The following NTAN1 variants were observed in gnomAD, a reference collection of about 807,000 sequenced individuals.
NTAN1 encodes N-terminal asparagine amidase, also known as protein N-terminal asparagine amidohydrolase.
In NTAN1, 32 loss-of-function variants were observed where a neutral mutation model predicts 41.9. The ratio of observed to expected loss-of-function variants is 0.76; its 90% CI spans 0.58 to 1.03. NTAN1 has a LOEUF of 1.03. Among genes scored for constraint, NTAN1 ranks in the 50% least tolerant of loss-of-function variants. The pLI is 0.00. For missense variants in NTAN1, 377 were observed against 377.5 expected (o/e 1.00, Z 0.01); for synonymous variants, 140 against 139.5 (o/e 1.00, Z -0.03).
Position 15,048,095 on chromosome 16 carries a change from CT to C in NTAN1, c.85del (p.Arg29GlufsTer28). On this transcript the variant is annotated frameshift_variant, in exon 2 of 10. Transcript: ENST00000287706. LOFTEE classifies it high-confidence loss of function. Reference sequence around the variant, plus strand: ...AGACTGACCTCTGAGAAGTCTGGCTCTTTCCTGTTTAATTAAAAAAAAAATA... The same window carrying C: ...AGACTGACCTCTGAGAAGTCTGGCTCTTCCTGTTTAATTAAAAAAAAAATA... ...LVRAHPPLEERARLLRGQSVQ... is the reference protein window; with the variant it reads ...LVRAHPPLEEXARLLRGQSVQ... 1 of 1,582,854 alleles carries C rather than the reference CT, an allele frequency of 6.3e-7. No individual in the cohort carries two copies. Among genetic ancestry groups the C allele is most frequent in the Non-Finnish European group, 8.6e-7 (1 of 1,159,652 alleles).
chr16:15,039,318 C>G (rs1164649888), intron 8 of NTAN1, among the ~76,000 whole-genome samples: 1 of 152,208 alleles, frequency 6.6e-6, no homozygotes, highest in Non-Finnish European at 1.5e-5. Context: ...AATCCAAACA[C>G]ATTTCCCAGT....
chr16:15,041,138 T>C lies in NTAN1; in HGVS notation c.488-17A>G. 6.9e-7 allele frequency: 1 copy of C among 1,450,690 alleles called. No homozygotes were observed. The highest frequency in any genetic ancestry group is 9.7e-7 in the Non-Finnish European group (1 of 1,031,060). The allele number at this position is 1,450,690 out of a possible 1,614,324, so 89.9% of individuals were successfully genotyped here. ...CATTTAATTCTACAAAATAAGAATG[T>C]TTAAGATACACTTTTTAAAGAAATA... On this transcript the variant is annotated splice_polypyrimidine_tract_variant and intron_variant, in intron 6 of 9. Coordinates refer to ENST00000287706, the MANE Select transcript of NTAN1 (RefSeq NM_173474.4).
chr16:15,042,994 G>A (rs1398321243), intron 5 of NTAN1, among the ~76,000 whole-genome samples: 3 of 148,798 alleles, frequency 2.0e-5, no homozygotes, highest in Non-Finnish European at 4.4e-5. Flanking sequence ...TATACCTCCC[G>A]GGTTCAAGCG....
intron 8 of NTAN1, among the ~76,000 whole-genome samples, chr16:15,039,357 G>T (rs1391937392): frequency 1.3e-5 from 2 of 152,170 alleles, no homozygotes; most frequent in Non-Finnish European, 2.9e-5. Context: ...TAAATGAGAA[G>T]ATTTCTTTGG....
Position 15,047,611 on chromosome 16 carries a change from G to A in NTAN1, c.251-61C>T, listed in dbSNP as rs564838525. The stretch of plus-strand genomic sequence containing the variant: ...CTGATGCGAGTGCAGTGCGCAGGCC[G>A]AGACTCCGCCTGTCCCTCCGGACCG... On this transcript the variant is annotated intron_variant, in intron 3 of 9. Transcript: ENST00000287706. 6.2e-3 allele frequency: 7,635 copies of A among 1,231,706 alleles called. 32 individuals carry two copies. Among genetic ancestry groups the A allele is most frequent in the Non-Finnish European group, 8.1e-3 (6,711 of 831,232 alleles). 76.3% of individuals were successfully genotyped at this position (1,231,706 alleles called of 1,614,324 possible). A position where few individuals can be genotyped will look rare whatever the true frequency, so the allele number is the denominator to read the frequency against.
At chr16:15,053,456 A>C (rs1279103542) in intron 1 of NTAN1, among the ~76,000 whole-genome samples, 2 of 151,414 alleles carry the variant, frequency 1.3e-5, no homozygotes, top group African/African-American at 2.4e-5. Flanking sequence ...TTATAAAACA[A>C]CATATAGTAA....
rs2043819693 is a variant in NTAN1 at position 15,041,618 on chromosome 16, C to T, written c.487+5G>A. The T allele has an allele frequency of 6.2e-7, 1 of 1,606,202 alleles. No homozygotes were observed. Among genetic ancestry groups the T allele is most frequent in the Non-Finnish European group, 8.5e-7 (1 of 1,172,698 alleles). On this transcript the variant is annotated splice_donor_5th_base_variant and intron_variant, in intron 6 of 9. Coordinates refer to ENST00000287706, the MANE Select transcript of NTAN1 (RefSeq NM_173474.4). ...CTTTGCTTTGGGGCAAATGGCAGGA[C>T]TTACCTGTCACACATAATGTCACTA...
intron 1 of NTAN1, among the ~76,000 whole-genome samples, chr16:15,050,652 C>T (rs1189891534): frequency 1.3e-5 from 2 of 151,700 alleles, no homozygotes; most frequent in Admixed American, 1.3e-4. Context: ...GGATCACTTG[C>T]AGCCAGGAGG....
chr16:15,041,551 C>T, intron 6 of NTAN1, 72 bp downstream of exon 6: 1 of 1,004,520 alleles, frequency 1.0e-6, no homozygotes, highest in East Asian at 2.4e-5. Context: ...GGTGCTTGGG[C>T]CCACTGCAAG....
In NTAN1 at chr16:15,041,128, A is replaced by C. The variant is rs1289012273; in HGVS notation, c.488-7T>G. 2.4e-5 allele frequency: 36 copies of C among 1,512,514 alleles called. No individual in the cohort carries two copies. Among genetic ancestry groups the C allele is most frequent in the Non-Finnish European group, 3.0e-5 (33 of 1,087,336 alleles). The allele number at this position is 1,512,514 out of a possible 1,614,324, so 93.7% of individuals were successfully genotyped here. A position where few individuals can be genotyped will look rare whatever the true frequency, so the allele number is the denominator to read the frequency against. On this transcript the variant is annotated splice_polypyrimidine_tract_variant and splice_region_variant and intron_variant, in intron 6 of 9. Transcript: ENST00000287706. Reference sequence around the variant, plus strand: ...TCTTCCCGGTCATTTAATTCTACAAAATAAGAATGTTTAAGATACACTTTT... The same window carrying C: ...TCTTCCCGGTCATTTAATTCTACAACATAAGAATGTTTAAGATACACTTTT...
At chr16:15,044,741 T>C in intron 4 of NTAN1, 1 of 287,714 alleles carries the variant, frequency 3.5e-6, no homozygotes, top group East Asian at 7.3e-5. Flanking sequence ...CCTAGCACTT[T>C]GGGAGGCTGA....
chr16:15,042,228 C>T (rs2043849829), intron 5 of NTAN1, among the ~76,000 whole-genome samples: 1 of 149,548 alleles, frequency 6.7e-6, no homozygotes, highest in Admixed American at 6.7e-5. Context: ...CTCTGTCACC[C>T]AGGCTGGAGT....
chr16:15,041,636 T>C lies in NTAN1; in HGVS notation c.474A>G (p.Thr158=), dbSNP rs1330268441. 2 of 1,610,556 alleles carry C rather than the reference T, an allele frequency of 1.2e-6. No individual in the cohort carries two copies. The highest frequency in any genetic ancestry group is 1.7e-6 in the Non-Finnish European group (2 of 1,176,818). The change falls in exon 6 of 10, where the codon ACA becomes ACG. Residue 158 remains threonine, a synonymous_variant. Transcript: ENST00000287706. Reference sequence around the variant, plus strand: ...GGCAGGACTTACCTGTCACACATAATGTCACTAAGTGAATGTCATCTTCTT... The same window carrying C: ...GGCAGGACTTACCTGTCACACATAACGTCACTAAGTGAATGTCATCTTCTT... The part of the protein sequence containing the change: ...DRQEDDIHLV[T]LCVTELNDRE...
chr16:15,038,716 T>G, intron 8 of NTAN1, 29 bp from the exon 9 acceptor site: 1 of 1,268,252 alleles, frequency 7.9e-7, no homozygotes, highest in South Asian at 1.2e-5. Context: ...AGGATAGAAT[T>G]TCAGGAATGT....
intron 5 of NTAN1, among the ~76,000 whole-genome samples, chr16:15,042,798 T>A (rs1327763360): frequency 6.6e-6 from 1 of 151,982 alleles, no homozygotes; most frequent in African/African-American, 2.4e-5. Context: ...AGTGGTGTGA[T>A]CTCAGCTCAC....
chr16:15,045,998 A>T (rs140508659), intron 4 of NTAN1: 2 of 152,094 alleles, frequency 1.3e-5, no homozygotes, highest in Non-Finnish European at 2.9e-5. Flanking sequence ...TTTGCCTCTG[A>T]CTCCCTGAGC....
chr16:15,039,179 A>G (rs1226769291), intron 8 of NTAN1, among the ~76,000 whole-genome samples: 1 of 152,236 alleles, frequency 6.6e-6, no homozygotes, highest in African/African-American at 2.4e-5. Flanking sequence ...AAATTTGCCA[A>G]TGGCAGCCTC....
intron 1 of NTAN1, among the ~76,000 whole-genome samples, chr16:15,053,797 G>C (rs1374380591): frequency 6.6e-6 from 1 of 152,130 alleles, no homozygotes; most frequent in Non-Finnish European, 1.5e-5. Flanking sequence ...TGTAATCCCA[G>C]CTACTTGGGA....
At chr16:15,052,328 T>C (rs1165434749) in intron 1 of NTAN1, among the ~76,000 whole-genome samples, 2 of 152,198 alleles carry the variant, frequency 1.3e-5, no homozygotes, top group Non-Finnish European at 2.9e-5. Context: ...CTTTGAGAAA[T>C]ATAAAGACCA....
Sources: allele counts gnomAD v4.1 joint callset (sites outside exome capture counted in the v4.1 genomes callset), GRCh38; gene constraint gnomAD v4.1.1; transcripts MANE v1.5; gene names NCBI Gene and HGNC (gene_info 2026-07-23, HGNC 2026-07-21).